RBFOX1: variants seen among roughly 807,000 people sequenced by gnomAD.
The protein encoded by RBFOX1 is RNA binding fox-1 homolog 1.
A neutral mutation model predicts 57.7 loss-of-function variants in RBFOX1; 8 were observed. That is an observed-to-expected ratio of 0.14 (90% CI 0.08 to 0.25). RBFOX1 has a LOEUF of 0.25. Among genes scored for constraint, RBFOX1 ranks in the 10% least tolerant of loss-of-function variants. RBFOX1 has a pLI of 1.00. For synonymous variants in RBFOX1, 326 were observed against 222.4 expected, an observed-to-expected ratio of 1.47 and a Z score of -4.15; for missense variants, 611 against 548.5, an observed-to-expected ratio of 1.11 and a Z score of -1.14.
intron 4 of RBFOX1, among the ~76,000 whole-genome samples, chr16:7,372,853 G>A (rs998369637): frequency 6.6e-6 from 1 of 151,978 alleles, no homozygotes; most frequent in Non-Finnish European, 1.5e-5. Flanking sequence ...AATATACGAA[G>A]AATATCTTGC....
chr16:5,300,129 A>T (rs989203578), intron 1 of RBFOX1, among the ~76,000 whole-genome samples: 1 of 152,112 alleles, frequency 6.6e-6, no homozygotes, highest in Non-Finnish European at 1.5e-5. Flanking sequence ...TCATGAACCA[A>T]TCTTACATTC....
intron 3 of RBFOX1, among the ~76,000 whole-genome samples, chr16:5,840,056 T>C (rs2056578846): frequency 6.6e-6 from 1 of 152,168 alleles, no homozygotes; most frequent in South Asian, 2.1e-4. Flanking sequence ...GCACTCATAA[T>C]CCATTGTTGA....
At chr16:6,498,480 G>C (rs1036939636) in intron 2 of RBFOX1, among the ~76,000 whole-genome samples, 4 of 152,120 alleles carry the variant, frequency 2.6e-5, no homozygotes, top group African/African-American at 2.4e-5. Flanking sequence ...AGCCTTCTCA[G>C]AAGGATATTG....
chr16:7,516,493 C>T (rs901412430), intron 4 of RBFOX1, among the ~76,000 whole-genome samples: 2 of 152,168 alleles, frequency 1.3e-5, no homozygotes, highest in African/African-American at 4.8e-5. Flanking sequence ...TGGAGACAGA[C>T]CAGCAGTATC....
chr16:6,644,796 T>G lies in RBFOX1; in HGVS notation c.-63-9807T>G, dbSNP rs112938893. On this transcript the variant is annotated intron_variant, in intron 2 of 15. Transcript: ENST00000550418. ...CCCTGGGATTCCTTTTAAGGAATTT[T>G]TCTTGTCCCCTAGAGCTTAGACTAA... Among the ~76,000 whole-genome samples the G allele has an allele frequency of 1.8e-4, 27 of 152,322 alleles. 1 individual carries two copies. The highest frequency in any genetic ancestry group is 6.3e-4 in the African/African-American group (26 of 41,578).
intron 2 of RBFOX1, among the ~76,000 whole-genome samples, chr16:5,554,105 G>A (rs2045578066): frequency 6.6e-6 from 1 of 151,820 alleles, no homozygotes; most frequent in African/African-American, 2.4e-5. Flanking sequence ...CGAGTAGCTG[G>A]GATTAGAGGT....
chr16:5,286,758 A>G (rs2063404786), intron 1 of RBFOX1, among the ~76,000 whole-genome samples: 1 of 152,240 alleles, frequency 6.6e-6, no homozygotes, highest in African/African-American at 2.4e-5. Flanking sequence ...TTTGGTCTAG[A>G]TAACCTCTGT....
intron 3 of RBFOX1, among the ~76,000 whole-genome samples, chr16:6,730,046 T>G (rs765699916): frequency 6.6e-6 from 1 of 152,158 alleles, no homozygotes; most frequent in African/African-American, 2.4e-5. Flanking sequence ...ATCATGGAGA[T>G]AATCTTGATG....
chr16:5,694,946 T>C (rs755110134), intron 3 of RBFOX1, among the ~76,000 whole-genome samples: 2 of 151,836 alleles, frequency 1.3e-5, no homozygotes, highest in Non-Finnish European at 2.9e-5. Context: ...TAGTTAGTAA[T>C]GGTTGTGGAA....
chr16:5,886,019 T>A (rs545308939), intron 4 of RBFOX1, among the ~76,000 whole-genome samples: 4 of 152,118 alleles, frequency 2.6e-5, no homozygotes, highest in Non-Finnish European at 5.9e-5. Context: ...TGTTTAAACG[T>A]GGGTAACACC....
intron 4 of RBFOX1, among the ~76,000 whole-genome samples, chr16:5,957,045 C>A (rs757660625): frequency 2.0e-5 from 3 of 151,926 alleles, no homozygotes; most frequent in Non-Finnish European, 1.5e-5. Flanking sequence ...AATATTTACA[C>A]CACAGTAATT....
At chr16:6,918,582 G>A (rs530247461) in intron 3 of RBFOX1, among the ~76,000 whole-genome samples, 2 of 152,084 alleles carry the variant, frequency 1.3e-5, no homozygotes, top group Non-Finnish European at 2.9e-5. Flanking sequence ...TAAGTAACCA[G>A]GGACATAAAA....
intron 4 of RBFOX1, among the ~76,000 whole-genome samples, chr16:7,073,187 G>T (rs1305513652): frequency 6.6e-6 from 1 of 152,162 alleles, no homozygotes; most frequent in African/African-American, 2.4e-5. Flanking sequence ...GGCTGTCTTT[G>T]TAGTCTGTGA....
chr16:6,488,266 AGTT>A (rs2095549978), intron 2 of RBFOX1, among the ~76,000 whole-genome samples: 1 of 152,186 alleles, frequency 6.6e-6, no homozygotes, highest in Non-Finnish European at 1.5e-5. Flanking sequence ...TGAGGAAATC[AGTT>A]GTTGTCTGCA....
At chr16:7,423,400 G>A (rs570263816) in intron 4 of RBFOX1, among the ~76,000 whole-genome samples, 8 of 152,156 alleles carry the variant, frequency 5.3e-5, no homozygotes, top group Admixed American at 1.3e-4. Flanking sequence ...ACTGGTAATT[G>A]CAAGCTGTCA....
chr16:6,887,326 A>T (rs1390739682), intron 3 of RBFOX1, among the ~76,000 whole-genome samples: 1 of 152,118 alleles, frequency 6.6e-6, no homozygotes, highest in Non-Finnish European at 1.5e-5. Context: ...GTGGGACAGG[A>T]TGGCATTGAG....
chr16:5,580,596 G>A (rs1422951572), intron 2 of RBFOX1, among the ~76,000 whole-genome samples: 1 of 152,184 alleles, frequency 6.6e-6, no homozygotes, highest in Non-Finnish European at 1.5e-5. Flanking sequence ...TTCCCTTTGT[G>A]AGGCTTCAGC....
At chr16:6,380,193 A>C (rs1392366908) in intron 2 of RBFOX1, among the ~76,000 whole-genome samples, 1 of 151,942 alleles carries the variant, frequency 6.6e-6, no homozygotes, top group Admixed American at 6.6e-5. Flanking sequence ...TGGGAGAAGG[A>C]ATTGGCTCAT....
intron 9 of RBFOX1, among the ~76,000 whole-genome samples, chr16:7,605,207 A>T (rs1465201127): frequency 6.6e-6 from 1 of 152,182 alleles, no homozygotes; most frequent in East Asian, 1.9e-4. Context: ...GATCAAATTG[A>T]AGTCATTTCC....
Sources: gnomAD v4.1 joint callset for allele counts (sites outside exome capture counted in the v4.1 genomes callset) on GRCh38, gnomAD v4.1.1 for gene constraint, MANE v1.5 for transcripts, NCBI Gene and HGNC (gene_info 2026-07-23, HGNC 2026-07-21) for gene names.